PCDHGA8: variants seen among roughly 807,000 people sequenced by gnomAD.
PCDHGA8 encodes the protein protocadherin gamma subfamily A, 8, also known as protocadherin gamma-A8.
Under a neutral mutation model 59.2 loss-of-function variants are expected in PCDHGA8, and 45 were observed. The observed-to-expected ratio is 0.76, with a 90% CI of 0.60 to 0.98. The LOEUF is 0.98. PCDHGA8 is among the 50% of genes least tolerant of loss of function. PCDHGA8 has a pLI of 0.00. For synonymous variants in PCDHGA8, 531 were observed against 519.0 expected (o/e 1.02, Z -0.32); for missense variants, 1,257 against 1,196.2 (o/e 1.05, Z -0.75).
In PCDHGA8 at chr5:141,491,797, G is replaced by T. The variant is rs537755017; in HGVS notation, c.2425-3010G>T. The stretch of plus-strand genomic sequence containing the variant: ...ATTGAACTTGCATCCACTCCTCTCC[G>T]GCCGGCTTGGTCGCTGGCTGCGCTC... On this transcript the variant is annotated intron_variant, in intron 1 of 3. Coordinates refer to ENST00000398604, the MANE Select transcript of PCDHGA8 (RefSeq NM_032088.2). The surrounding 1 kb of genome is among the most constrained non-coding windows in gnomAD (Gnocchi z 6.9). 2.0e-6 allele frequency: 3 copies of T among 1,506,818 alleles called. No homozygotes were observed. The highest frequency in any genetic ancestry group is 2.4e-5 in the Admixed American group (1 of 41,734). 93.3% of individuals were successfully genotyped at this position (1,506,818 alleles called of 1,614,324 possible). A position where few individuals can be genotyped will look rare whatever the true frequency, so the allele number is the denominator to read the frequency against.
chr5:141,502,785 A>G (rs576095718), intron 2 of PCDHGA8, among the ~76,000 whole-genome samples: 2 of 150,900 alleles, frequency 1.3e-5, no homozygotes, highest in East Asian at 3.9e-4. Context: ...AATTACCTGG[A>G]TGATTTCTTC....
chr5:141,423,119 G>A (rs769320490), intron 1 of PCDHGA8: 1 of 1,613,774 alleles, frequency 6.2e-7, no homozygotes, highest in South Asian at 1.1e-5. Context: ...CGTACAGCGC[G>A]GGCACTGCTG....
chr5:141,415,278 G>A (rs768587119), intron 1 of PCDHGA8: 4 of 1,614,212 alleles, frequency 2.5e-6, no homozygotes, highest in Non-Finnish European at 3.4e-6. Flanking sequence ...TGGTAGCGGT[G>A]GCCGCGGTCT....
At chr5:141,422,219 C>T in intron 1 of PCDHGA8, 1 of 1,564,678 alleles carries the variant, frequency 6.4e-7, no homozygotes, top group Non-Finnish European at 8.6e-7. Context: ...CTCTTTACCA[C>T]CACGACGATG....
At chr5:141,419,325 A>C in intron 1 of PCDHGA8, 1 of 1,613,702 alleles carries the variant, frequency 6.2e-7, no homozygotes, top group African/African-American at 1.3e-5. Flanking sequence ...CGTGTCTCCT[A>C]CTCTCTCATT....
intron 1 of PCDHGA8, chr5:141,426,835 C>G (rs1038394702): frequency 6.6e-6 from 3 of 456,576 alleles, no homozygotes; most frequent in Non-Finnish European, 1.3e-5. Flanking sequence ...ATGGACAAGA[C>G]TAAAGGCAAG....
At chr5:141,417,784 G>T in intron 1 of PCDHGA8, 2 of 1,474,908 alleles carry the variant, frequency 1.4e-6, no homozygotes, top group Non-Finnish European at 9.0e-7. Context: ...GTCCTGGGCC[G>T]AATGCTCTTT....
intron 1 of PCDHGA8, among the ~76,000 whole-genome samples, chr5:141,446,175 G>A (rs1288608276): frequency 1.3e-5 from 2 of 152,276 alleles, no homozygotes; most frequent in Non-Finnish European, 2.9e-5. Context: ...AGGGCAGGGG[G>A]TGTTTTGTTT....
chr5:141,502,500 G>C (rs1398797155), intron 2 of PCDHGA8, among the ~76,000 whole-genome samples: 1 of 152,046 alleles, frequency 6.6e-6, no homozygotes, highest in Non-Finnish European at 1.5e-5. Flanking sequence ...ATCTAACGTC[G>C]GCCTGTCCCA....
chr5:141,500,641 TA>T (rs1306300025), intron 2 of PCDHGA8, among the ~76,000 whole-genome samples: 4 of 152,346 alleles, frequency 2.6e-5, no homozygotes, highest in Middle Eastern at 3.4e-3. Flanking sequence ...ACTAGTTTTT[TA>T]AAAATAGCAA....
chr5:141,415,907 T>C, intron 1 of PCDHGA8: 1 of 779,592 alleles, frequency 1.3e-6, no homozygotes. Context: ...CAGACTTCCA[T>C]ACAGAAGTGC....
chr5:141,455,162 T>G (rs1002208156), intron 1 of PCDHGA8, among the ~76,000 whole-genome samples: 5 of 150,972 alleles, frequency 3.3e-5, no homozygotes, highest in African/African-American at 7.3e-5. Context: ...GTTTGTTGGT[T>G]TTTTTTTTAG....
chr5:141,422,140 C>A, intron 1 of PCDHGA8: 1 of 1,586,776 alleles, frequency 6.3e-7, no homozygotes, highest in Non-Finnish European at 8.5e-7. Flanking sequence ...AGTTCAAGTA[C>A]GGGGGTCTCT....
chr5:141,408,918 C>G, intron 1 of PCDHGA8: 1 of 1,613,408 alleles, frequency 6.2e-7, no homozygotes, highest in Non-Finnish European at 8.5e-7. Flanking sequence ...AATGATAACC[C>G]CCCGGTTTTC....
Position 141,491,401 on chromosome 5 carries a change from G to T in PCDHGA8, c.2425-3406G>T, listed in dbSNP as rs1442005704. ...GTCAGCGAAGTGCCTTCAGGGAAAC[G>T]CAGACGGGGACGGGGGTGGAGGGCA... On this transcript the variant is annotated intron_variant, in intron 1 of 3. Coordinates refer to ENST00000398604, the MANE Select transcript of PCDHGA8 (RefSeq NM_032088.2). The surrounding 1 kb of genome is among the most constrained non-coding windows in gnomAD (Gnocchi z 6.9). 1.2e-6 allele frequency: 2 copies of T among 1,614,102 alleles called. No homozygotes were observed. Among genetic ancestry groups the T allele is most frequent in the Non-Finnish European group, 1.7e-6 (2 of 1,179,990 alleles).
At chr5:141,504,364 G>A (rs764741297) in intron 2 of PCDHGA8, among the ~76,000 whole-genome samples, 2 of 152,116 alleles carry the variant, frequency 1.3e-5, no homozygotes, top group African/African-American at 2.4e-5. Flanking sequence ...GCTTCAGTAG[G>A]AAGCAGGTGG....
In PCDHGA8 at chr5:141,487,598, C is replaced by T. The variant is rs1450685717; in HGVS notation, c.2425-7209C>T. 6.2e-7 allele frequency: 1 copy of T among 1,614,210 alleles called. No homozygotes were observed. The highest frequency in any genetic ancestry group is 8.5e-7 in the Non-Finnish European group (1 of 1,180,046). ...TCGCCCAAGCTGCCCACCCTCTGAT[C>T]TTCTCTATGGGCTAGAGGTGAGACC... is the stretch of plus-strand genomic sequence containing the variant. On this transcript the variant is annotated intron_variant, in intron 1 of 3. Transcript: ENST00000398604. The surrounding 1 kb of genome is among the most constrained non-coding windows in gnomAD (Gnocchi z 5.0).
chr5:141,399,546 G>A, intron 1 of PCDHGA8: 1 of 1,614,032 alleles, frequency 6.2e-7, no homozygotes, highest in Non-Finnish European at 8.5e-7. Context: ...TCTGCGCCTC[G>A]GACCTGGACT....
intron 2 of PCDHGA8, among the ~76,000 whole-genome samples, chr5:141,495,644 A>G (rs767670166): frequency 5.3e-5 from 8 of 151,770 alleles, no homozygotes; most frequent in Non-Finnish European, 1.0e-4. Context: ...TCATTTGTCT[A>G]CTTGCATTGA....
Sources: gnomAD v4.1 joint callset for allele counts (sites outside exome capture counted in the v4.1 genomes callset) on GRCh38, gnomAD v4.1.1 for gene constraint, Gnocchi (gnomAD v3.1) non-coding constraint, MANE v1.5 for transcripts, NCBI Gene and HGNC (gene_info 2026-07-23, HGNC 2026-07-21) for gene names.